CTNND2: variants seen among roughly 807,000 people sequenced by gnomAD.
CTNND2 encodes the protein catenin delta 2.
CTNND2 carries 22 observed loss-of-function variants against 144.4 expected under a neutral mutation model. That is an observed-to-expected ratio of 0.15 (90% CI 0.11 to 0.22). The LOEUF (loss-of-function observed/expected upper bound fraction) is 0.22, where lower values mean the gene tolerates loss of function less well. Ranked by LOEUF, CTNND2 falls within the 10% of genes least tolerant of loss-of-function variation. The probability of loss-of-function intolerance (pLI) is 1.00; values close to 1 mark genes in which losing one functional copy is unlikely to be tolerated. For synonymous variants in CTNND2, 751 were observed against 695.6 expected (o/e 1.08, Z -1.25); for missense variants, 1,353 against 1,618.8 (o/e 0.84, Z 2.82).
At chr5:11,706,365 A>G (rs1302643325) in intron 2 of CTNND2, among the ~76,000 whole-genome samples, 1 of 152,244 alleles carries the variant, frequency 6.6e-6, no homozygotes, top group African/African-American at 2.4e-5. Context: ...ATATGGGCCG[A>G]GCAAGGGATA....
intron 14 of CTNND2, among the ~76,000 whole-genome samples, chr5:11,100,547 G>GT (rs1157673162): frequency 6.6e-6 from 1 of 152,226 alleles, no homozygotes; most frequent in Non-Finnish European, 1.5e-5. Context: ...TAGTCATTCT[G>GT]TAGGTTTGCC....
At chr5:11,580,789 T>C (rs1207667459) in intron 2 of CTNND2, among the ~76,000 whole-genome samples, 1 of 152,240 alleles carries the variant, frequency 6.6e-6, no homozygotes, top group Admixed American at 6.5e-5. Context: ...GTTCTACTTC[T>C]GGCTTCTAAT....
intron 9 of CTNND2, among the ~76,000 whole-genome samples, chr5:11,241,033 C>A (rs1210036936): frequency 6.7e-6 from 1 of 149,404 alleles, no homozygotes. Flanking sequence ...CACACACCCA[C>A]CCCAACACAC....
At chr5:11,128,153 G>C (rs1754867131) in intron 12 of CTNND2, among the ~76,000 whole-genome samples, 1 of 152,128 alleles carries the variant, frequency 6.6e-6, no homozygotes. Context: ...GAGTCAGAGA[G>C]GTGCAGCAGA....
chr5:11,629,251 GAA>G (rs1201581953), intron 2 of CTNND2, among the ~76,000 whole-genome samples: 1 of 149,872 alleles, frequency 6.7e-6, no homozygotes, highest in Non-Finnish European at 1.5e-5. Flanking sequence ...GCCTAACCCG[GAA>G]AAGTTAAACA....
chr5:11,358,703 CT>C (rs1167970092), intron 8 of CTNND2, among the ~76,000 whole-genome samples: 5 of 152,156 alleles, frequency 3.3e-5, no homozygotes, highest in African/African-American at 9.7e-5. Context: ...CCCTCTATCG[CT>C]TCATTAAACA....
At chr5:11,021,493 C>T (rs998780618) in intron 17 of CTNND2, among the ~76,000 whole-genome samples, 4 of 152,124 alleles carry the variant, frequency 2.6e-5, no homozygotes, top group Admixed American at 6.5e-5. Context: ...TTCCTGCCTA[C>T]GTAGGATAGC....
chr5:11,412,950 T>C (rs1761660113), intron 3 of CTNND2, among the ~76,000 whole-genome samples: 1 of 152,198 alleles, frequency 6.6e-6, no homozygotes, highest in Non-Finnish European at 1.5e-5. Flanking sequence ...TGTAGACCTT[T>C]AGTCTGTACC....
rs1366293101 is a variant in CTNND2, at chr5:11,480,642, A to G, written c.288-68573T>C. On this transcript the variant is annotated intron_variant, in intron 3 of 21. Coordinates refer to ENST00000304623, the MANE Select transcript of CTNND2 (RefSeq NM_001332.4). ...TGCTTGTTCTATGATTTGAAAATAC[A>G]TATATGTGTGTGTGTGTGTGTGTGT... 3.7e-5 allele frequency among the ~76,000 whole-genome samples: 3 copies of G among 80,466 alleles called. No homozygotes were observed. In the East Asian group the frequency reaches 7.3e-4, roughly 20 times the overall value. 52.8% of individuals were successfully genotyped at this position (80,466 alleles called of 152,430 possible).
chr5:11,039,625 T>C (rs887920514), intron 16 of CTNND2, among the ~76,000 whole-genome samples: 3 of 152,020 alleles, frequency 2.0e-5, no homozygotes. Context: ...TTTATTCAAA[T>C]AGAAAAAGAG....
chr5:11,006,739 C>A (rs996062457), intron 18 of CTNND2, among the ~76,000 whole-genome samples: 61 of 152,254 alleles, frequency 4.0e-4, no homozygotes, highest in Admixed American at 2.9e-3. Flanking sequence ...CTAGAAACCT[C>A]ATTGTGAAGG....
At chr5:11,097,492 A>C (rs1751469587) in intron 15 of CTNND2, among the ~76,000 whole-genome samples, 1 of 152,202 alleles carries the variant, frequency 6.6e-6, no homozygotes, top group South Asian at 2.1e-4. Flanking sequence ...TGTAGGAAGA[A>C]TTGTCAGGGC....
intron 2 of CTNND2, among the ~76,000 whole-genome samples, chr5:11,710,174 G>C (rs1175384128): frequency 6.6e-6 from 1 of 152,138 alleles, no homozygotes; most frequent in Non-Finnish European, 1.5e-5. Context: ...GCTTTAAGGA[G>C]CCAAGAACCA....
At chr5:11,738,618 C>T (rs1420061965) in intron 1 of CTNND2, among the ~76,000 whole-genome samples, 1 of 152,180 alleles carries the variant, frequency 6.6e-6, no homozygotes, top group African/African-American at 2.4e-5. Flanking sequence ...CATATTTGAA[C>T]TTGTTCTTTC....
chr5:11,519,836 C>A (rs1157536915), intron 3 of CTNND2, among the ~76,000 whole-genome samples: 1 of 151,940 alleles, frequency 6.6e-6, no homozygotes, highest in Non-Finnish European at 1.5e-5. Flanking sequence ...TAAGGAGTGA[C>A]TGTTGAAAAT....
At chr5:11,260,719 T>C (rs929917990) in intron 9 of CTNND2, among the ~76,000 whole-genome samples, 2 of 152,136 alleles carry the variant, frequency 1.3e-5, no homozygotes, top group African/African-American at 4.8e-5. Context: ...AACAAGATAG[T>C]ACTGGGGATT....
At chr5:11,310,821 CAG>C (rs1277751966) in intron 9 of CTNND2, among the ~76,000 whole-genome samples, 2 of 150,030 alleles carry the variant, frequency 1.3e-5, no homozygotes, top group South Asian at 2.1e-4. Context: ...CATGCACTCA[CAG>C]TCCCATGTGC....
intron 12 of CTNND2, among the ~76,000 whole-genome samples, chr5:11,154,839 T>C (rs1029866581): frequency 6.6e-6 from 1 of 152,222 alleles, no homozygotes; most frequent in Admixed American, 6.5e-5. Context: ...CAATTCTTAG[T>C]TATCCCTGAA....
At chr5:11,391,244 G>A (rs770750926) in intron 6 of CTNND2, among the ~76,000 whole-genome samples, 9 of 151,804 alleles carry the variant, frequency 5.9e-5, no homozygotes, top group Admixed American at 2.6e-4. Context: ...GAGCACTCTG[G>A]TAAGGTAACT....
Sources: allele counts gnomAD v4.1 joint callset (sites outside exome capture counted in the v4.1 genomes callset), GRCh38; gene constraint gnomAD v4.1.1; transcripts MANE v1.5; gene names NCBI Gene and HGNC (gene_info 2026-07-23, HGNC 2026-07-21).